GMDS: variants seen among roughly 807,000 people sequenced by gnomAD.
The protein encoded by GMDS is GDP-mannose 4,6-dehydratase, also known as GDP-mannose 4,6 dehydratase.
Under a neutral mutation model 49.9 loss-of-function variants are expected in GMDS, and 20 were observed. That is an observed-to-expected ratio of 0.40 (90% CI 0.28 to 0.58). The LOEUF is 0.58. GMDS is among the 20% of genes least tolerant of loss of function. The pLI is 0.42. For missense variants in GMDS, 362 were observed against 481.4 expected, an observed-to-expected ratio of 0.75 and a Z score of 2.32; for synonymous variants, 177 against 178.6, an observed-to-expected ratio of 0.99 and a Z score of 0.07.
chr6:2,165,272 T>C (rs1777606555), intron 1 of GMDS, among the ~76,000 whole-genome samples: 1 of 152,166 alleles, frequency 6.6e-6, no homozygotes, highest in African/African-American at 2.4e-5. Flanking sequence ...AAACTGGCAA[T>C]CCCAAGATCT....
At chr6:2,147,376 C>G (rs1451487425) in intron 1 of GMDS, among the ~76,000 whole-genome samples, 1 of 152,110 alleles carries the variant, frequency 6.6e-6, no homozygotes, top group African/African-American at 2.4e-5. Context: ...ACACGTTTAG[C>G]GTCCCTAATT....
At chr6:1,723,420 G>C (rs1261825727) in intron 9 of GMDS, among the ~76,000 whole-genome samples, 1 of 150,998 alleles carries the variant, frequency 6.6e-6, no homozygotes, top group Non-Finnish European at 1.5e-5. Flanking sequence ...TCCGCCTCCC[G>C]GGTTCACGCC....
chr6:1,917,422 G>A (rs930263975), intron 7 of GMDS, among the ~76,000 whole-genome samples: 5 of 152,148 alleles, frequency 3.3e-5, no homozygotes, highest in Admixed American at 6.5e-5. Flanking sequence ...AAAACAATCC[G>A]TGCTCTCCTA....
Position 1,765,632 on chromosome 6 carries a change from C to T in GMDS, c.772-23046G>A, listed in dbSNP as rs865983258. Among the ~76,000 whole-genome samples the T allele has an allele frequency of 5.8e-4, 88 of 152,168 alleles. 2 individuals carry two copies. The highest frequency in any genetic ancestry group is 5.4e-3 in the Admixed American group (82 of 15,284). On this transcript the variant is annotated intron_variant, in intron 7 of 10. Coordinates refer to ENST00000380815, the MANE Select transcript of GMDS (RefSeq NM_001500.4). ...GGAGGACTGACCTGCAACAGGGTCA[C>T]GCGGCGGCTGAGCAGGAACAGAAGG...
chr6:1,904,816 G>T (rs1028129079), intron 7 of GMDS, among the ~76,000 whole-genome samples: 1 of 152,210 alleles, frequency 6.6e-6, no homozygotes, highest in Non-Finnish European at 1.5e-5. Flanking sequence ...ACAAAGCCCT[G>T]TTCCCTCCTT....
intron 2 of GMDS, among the ~76,000 whole-genome samples, chr6:2,118,539 C>T (rs961602934): frequency 2.6e-5 from 4 of 152,038 alleles, no homozygotes; most frequent in South Asian, 2.1e-4. Context: ...ATTCCAAATA[C>T]GGAGGTAAAT....
At chr6:1,966,698 A>C (rs1764279166) in intron 4 of GMDS, among the ~76,000 whole-genome samples, 1 of 152,154 alleles carries the variant, frequency 6.6e-6, no homozygotes, top group Non-Finnish European at 1.5e-5. Context: ...ACAGCCTCTC[A>C]TATGTTCACA....
chr6:1,727,172 C>A (rs1003943827), intron 8 of GMDS, among the ~76,000 whole-genome samples: 1 of 152,128 alleles, frequency 6.6e-6, no homozygotes, highest in African/African-American at 2.4e-5. Flanking sequence ...CTCCTCTGAC[C>A]TAGCTAGGAT....
At chr6:2,163,954 C>T (rs929719424) in intron 1 of GMDS, among the ~76,000 whole-genome samples, 3 of 152,230 alleles carry the variant, frequency 2.0e-5, no homozygotes, top group African/African-American at 4.8e-5. Flanking sequence ...TGGACCCTCC[C>T]GTGGTGGGCA....
intron 1 of GMDS, among the ~76,000 whole-genome samples, chr6:2,190,759 T>C (rs565869462): frequency 1.5e-4 from 23 of 152,268 alleles, no homozygotes; most frequent in East Asian, 9.7e-4. Context: ...AACAGTCCTA[T>C]TGATGGCAGC....
chr6:2,064,777 C>T (rs1054695720), intron 4 of GMDS, among the ~76,000 whole-genome samples: 2 of 152,102 alleles, frequency 1.3e-5, no homozygotes, highest in Admixed American at 6.5e-5. Context: ...AGGCTGATTT[C>T]GTATGAGCTG....
At chr6:1,738,376 C>T (rs745919458) in intron 8 of GMDS, among the ~76,000 whole-genome samples, 3 of 152,206 alleles carry the variant, frequency 2.0e-5, no homozygotes, top group African/African-American at 4.8e-5. Flanking sequence ...AATTAATGTG[C>T]TATTTTCTAA....
intron 1 of GMDS, among the ~76,000 whole-genome samples, chr6:2,126,421 T>C (rs1775442677): frequency 6.6e-6 from 1 of 151,950 alleles, no homozygotes; most frequent in Non-Finnish European, 1.5e-5. Context: ...TCCTACCAGA[T>C]ATTCCAGGGG....
At position 1,975,970 on chromosome 6, in the gene GMDS, G is replaced by A. The variant is rs1764876545; in HGVS notation, c.346-15004C>T. On this transcript the variant is annotated intron_variant, in intron 4 of 10. Coordinates refer to ENST00000380815, the MANE Select transcript of GMDS (RefSeq NM_001500.4). ...GTCCTGGTAACCACACTTTGAGATGGTCACCTGGAACTCGAAAAATATCTA... is the reference window on the plus strand; with the variant it reads ...GTCCTGGTAACCACACTTTGAGATGATCACCTGGAACTCGAAAAATATCTA... 2.0e-5 allele frequency among the ~76,000 whole-genome samples: 3 copies of A among 151,860 alleles called. No individual in the cohort carries two copies. The South Asian group carries it at 6.3e-4, about 32-fold the overall frequency.
intron 9 of GMDS, among the ~76,000 whole-genome samples, chr6:1,657,853 C>CAAAAAAAAAAAAAAAA (rs757277370): frequency 1.6e-5 from 1 of 63,360 alleles, no homozygotes. Flanking sequence ...AGAACTCAAG[C>CAAAAAAAAAAAAAAAA]AAAAAAAAAA....
In GMDS at chr6:1,782,259, A is replaced by T. The variant is rs1252488830; in HGVS notation, c.772-39673T>A. On this transcript the variant is annotated intron_variant, in intron 7 of 10. Coordinates refer to ENST00000380815, the MANE Select transcript of GMDS (RefSeq NM_001500.4). ...TTTAAAAAGCATGAAGGAAAAATAAAACACCAAACCAATAAGCCTAAACAT... is the reference window on the plus strand; with the variant it reads ...TTTAAAAAGCATGAAGGAAAAATAATACACCAAACCAATAAGCCTAAACAT... Among the ~76,000 whole-genome samples, 5 of 152,336 alleles carry T rather than the reference A, an allele frequency of 3.3e-5. No individual in the cohort carries two copies. In the East Asian group the frequency reaches 9.6e-4, roughly 29 times the overall value.
intron 7 of GMDS, among the ~76,000 whole-genome samples, chr6:1,889,252 C>G (rs1203514077): frequency 6.6e-6 from 1 of 152,194 alleles, no homozygotes; most frequent in Non-Finnish European, 1.5e-5. Context: ...TCCCAAACAT[C>G]AAACTCAGTG....
intron 1 of GMDS, among the ~76,000 whole-genome samples, chr6:2,183,171 AT>A (rs1778632169): frequency 6.6e-6 from 1 of 152,228 alleles, no homozygotes; most frequent in Non-Finnish European, 1.5e-5. Flanking sequence ...TTTCAGTCTT[AT>A]TATTTAAGAA....
chr6:1,624,127 G>A lies in GMDS; in HGVS notation c.*42C>T, dbSNP rs1236820630. On this transcript the variant is annotated 3_prime_UTR_variant, in exon 11 of 11. Coordinates refer to ENST00000380815, the MANE Select transcript of GMDS (RefSeq NM_001500.4). ...AGCGCGTCTGCACCGGAGACTCTGC[G>A]GGGATTGTAGCCGGAGGGCGGGCCG... 8.9e-6 allele frequency: 14 copies of A among 1,572,162 alleles called. No individual in the cohort carries two copies. The highest frequency in any genetic ancestry group is 1.2e-5 in the Non-Finnish European group (14 of 1,152,550).
Sources: gnomAD v4.1 joint callset for allele counts (sites outside exome capture counted in the v4.1 genomes callset) on GRCh38, gnomAD v4.1.1 for gene constraint, MANE v1.5 for transcripts, NCBI Gene and HGNC (gene_info 2026-07-23, HGNC 2026-07-21) for gene names.